NRG1: variants seen among roughly 807,000 people sequenced by gnomAD.
The protein encoded by NRG1 is neuregulin 1, also known as pro-neuregulin-1, membrane-bound isoform.
NRG1 carries 18 observed loss-of-function variants against 63.8 expected under a neutral mutation model. The observed-to-expected ratio is 0.28, with a 90% CI of 0.19 to 0.42. The LOEUF is 0.42. NRG1 is among the 10% of genes least tolerant of loss of function. NRG1 has a pLI of 1.00. For synonymous variants in NRG1, 302 were observed against 301.3 expected, an observed-to-expected ratio of 1.00 and a Z score of -0.02; for missense variants, 762 against 814.7, an observed-to-expected ratio of 0.94 and a Z score of 0.79.
chr8:31,760,817 G>A (rs1175584248), intron 1 of NRG1, among the ~76,000 whole-genome samples: 1 of 152,166 alleles, frequency 6.6e-6, no homozygotes, highest in Non-Finnish European at 1.5e-5. Context: ...TGCTGGAGAG[G>A]ATGTGGAGAA....
intron 1 of NRG1, among the ~76,000 whole-genome samples, chr8:31,802,282 T>G (rs969472295): frequency 3.3e-5 from 5 of 152,216 alleles, no homozygotes; most frequent in African/African-American, 1.2e-4. Context: ...TTTCTGACTT[T>G]ACTTCATGCT....
chr8:32,297,822 G>T (rs568219436), intron 1 of NRG1, among the ~76,000 whole-genome samples: 88 of 152,206 alleles, frequency 5.8e-4, no homozygotes, highest in Non-Finnish European at 1.1e-3. Context: ...TAAGGATAAG[G>T]CCTGGTGGAC....
At chr8:32,538,158 G>C (rs1362585392) in intron 1 of NRG1, among the ~76,000 whole-genome samples, 2 of 152,112 alleles carry the variant, frequency 1.3e-5, no homozygotes, top group African/African-American at 4.8e-5. Context: ...AGCTGAGACA[G>C]TGACCCTCTG....
chr8:32,567,335 T>A (rs1023653716), intron 1 of NRG1, among the ~76,000 whole-genome samples: 2 of 152,110 alleles, frequency 1.3e-5, no homozygotes, highest in Non-Finnish European at 2.9e-5. Flanking sequence ...CTAAGAAAAA[T>A]TTGACAAGGT....
At chr8:31,639,873 G>T in intron 1 of NRG1, 1 of 1,101,360 alleles carries the variant, frequency 9.1e-7, no homozygotes, top group East Asian at 5.9e-5. Context: ...AAGGAGGAGG[G>T]CAAGGGGGGA....
At chr8:32,696,936 A>T (rs1813501762) in intron 5 of NRG1, among the ~76,000 whole-genome samples, 1 of 152,192 alleles carries the variant, frequency 6.6e-6, no homozygotes, top group Non-Finnish European at 1.5e-5. Flanking sequence ...TGCTGGGATT[A>T]CAGGCGTGAG....
chr8:31,825,688 G>T (rs1294217241), intron 1 of NRG1, among the ~76,000 whole-genome samples: 2 of 152,052 alleles, frequency 1.3e-5, no homozygotes, highest in East Asian at 3.9e-4. Flanking sequence ...GAGAGAGAAA[G>T]AACAAAGCTT....
At chr8:31,892,637 TG>T (rs1359007198) in intron 1 of NRG1, among the ~76,000 whole-genome samples, 2 of 152,116 alleles carry the variant, frequency 1.3e-5, no homozygotes, top group Non-Finnish European at 2.9e-5. Flanking sequence ...CTTTTATCTC[TG>T]GGGGTTTGAT....
At chr8:32,039,945 C>T (rs1819678729) in intron 1 of NRG1, among the ~76,000 whole-genome samples, 6 of 152,006 alleles carry the variant, frequency 3.9e-5, no homozygotes, top group South Asian at 2.1e-4. Context: ...TTGCTTGAAC[C>T]GAAGAGTTTG....
At chr8:32,728,345 T>G (rs1341450604) in intron 6 of NRG1, 1 of 984,152 alleles carries the variant, frequency 1.0e-6, no homozygotes, top group Non-Finnish European at 1.2e-6. Context: ...TAGTGTTGCT[T>G]TCCTTGTGGT....
chr8:32,736,231 A>C (rs1184256813), intron 6 of NRG1, among the ~76,000 whole-genome samples: 1 of 152,236 alleles, frequency 6.6e-6, no homozygotes, highest in African/African-American at 2.4e-5. Context: ...ACTTCACTTA[A>C]AGGTAGATAA....
chr8:31,662,399 G>A (rs1456181881), intron 1 of NRG1, among the ~76,000 whole-genome samples: 2 of 152,206 alleles, frequency 1.3e-5, no homozygotes, highest in African/African-American at 2.4e-5. Context: ...CTGTGAAAAA[G>A]CTGTTATGGG....
At chr8:31,860,366 G>A (rs1828362078) in intron 1 of NRG1, among the ~76,000 whole-genome samples, 2 of 152,154 alleles carry the variant, frequency 1.3e-5, no homozygotes, top group Admixed American at 1.3e-4. Flanking sequence ...GAGCAGTTTT[G>A]TGCAGCAAAA....
At chr8:32,338,824 A>G (rs1470434995) in intron 1 of NRG1, among the ~76,000 whole-genome samples, 1 of 152,154 alleles carries the variant, frequency 6.6e-6, no homozygotes, top group Admixed American at 6.6e-5. Flanking sequence ...ACTCCGGAGA[A>G]TGTTCCTATT....
intron 1 of NRG1, among the ~76,000 whole-genome samples, chr8:32,409,169 A>G (rs1310161853): frequency 6.6e-6 from 1 of 152,186 alleles, no homozygotes; most frequent in Non-Finnish European, 1.5e-5. Flanking sequence ...GACTTATCAA[A>G]TAAATGGTGC....
intron 1 of NRG1, among the ~76,000 whole-genome samples, chr8:31,901,122 T>C (rs1041748696): frequency 4.6e-5 from 7 of 152,172 alleles, no homozygotes; most frequent in Non-Finnish European, 7.3e-5. Flanking sequence ...GCATTAATCA[T>C]GAAGATGAAC....
At chr8:32,269,504 T>G (rs997767755) in intron 1 of NRG1, among the ~76,000 whole-genome samples, 4 of 152,136 alleles carry the variant, frequency 2.6e-5, no homozygotes, top group Non-Finnish European at 5.9e-5. Context: ...ACATTCTGTC[T>G]CACCACAGTC....
At chr8:32,356,512 C>G (rs928484738) in intron 1 of NRG1, among the ~76,000 whole-genome samples, 1 of 134,154 alleles carries the variant, frequency 7.5e-6, no homozygotes, top group Non-Finnish European at 1.6e-5. Flanking sequence ...CCGTTGATAT[C>G]CTAAATGTTC....
At chr8:32,123,195 G>C (rs766633753) in intron 1 of NRG1, among the ~76,000 whole-genome samples, 3 of 151,828 alleles carry the variant, frequency 2.0e-5, no homozygotes, top group Admixed American at 2.0e-4. Flanking sequence ...TTATTGATAG[G>C]GGTTGGCTGT....
Sources: gnomAD v4.1 joint callset for allele counts (sites outside exome capture counted in the v4.1 genomes callset) on GRCh38, gnomAD v4.1.1 for gene constraint, MANE v1.5 for transcripts, NCBI Gene and HGNC (gene_info 2026-07-23, HGNC 2026-07-21) for gene names.